The following RYR3 variants were observed in gnomAD, a reference collection of about 807,000 sequenced individuals.
The protein encoded by RYR3 is ryanodine receptor 3, also known as brain ryanodine receptor-calcium release channel.
In RYR3, 207 loss-of-function variants were observed where a neutral mutation model predicts 584.3. The ratio of observed to expected loss-of-function variants is 0.35; its 90% confidence interval spans 0.32 to 0.40. RYR3 has a LOEUF of 0.40. Ranked by LOEUF, RYR3 falls within the 10% of genes least tolerant of loss-of-function variation. The pLI, the probability that RYR3 is intolerant of heterozygous loss-of-function variation, is 1.00. For missense variants in RYR3, 5,616 were observed against 6,089.2 expected (o/e 0.92, Z 2.59); for synonymous variants, 2,416 against 2,248.5 (o/e 1.07, Z -2.11).
intron 1 of RYR3, among the ~76,000 whole-genome samples, chr15:33,380,241 C>T (rs918827355): frequency 5.3e-5 from 8 of 152,090 alleles, no homozygotes; most frequent in South Asian, 2.1e-4. Flanking sequence ...GAACTCTGTC[C>T]GATTTCTAAA....
chr15:33,661,415 G>A (rs999458629), intron 34 of RYR3, among the ~76,000 whole-genome samples: 2 of 152,310 alleles, frequency 1.3e-5, no homozygotes, highest in Middle Eastern at 6.8e-3. Flanking sequence ...TTTGTTTTCA[G>A]GTCGTTGGAG....
intron 5 of RYR3, 55 bp downstream of exon 5, chr15:33,533,444 C>A: frequency 7.8e-7 from 1 of 1,276,116 alleles, no homozygotes; most frequent in Non-Finnish European, 1.1e-6. Flanking sequence ...GGCTAAGGGG[C>A]TTTTGAGAAG....
chr15:33,480,014 G>A (rs546243051), intron 2 of RYR3, among the ~76,000 whole-genome samples: 14 of 152,256 alleles, frequency 9.2e-5, no homozygotes, highest in Admixed American at 3.9e-4. Context: ...GGGATCTAAG[G>A]CAGATTATTA....
At chr15:33,770,670 G>A (rs1379425164) in intron 62 of RYR3, among the ~76,000 whole-genome samples, 1 of 152,066 alleles carries the variant, frequency 6.6e-6, no homozygotes, top group Non-Finnish European at 1.5e-5. Context: ...GGATTGCTGA[G>A]CATGGGAGGC....
At chr15:33,568,176 T>C (rs1041343814) in intron 12 of RYR3, among the ~76,000 whole-genome samples, 1 of 151,786 alleles carries the variant, frequency 6.6e-6, no homozygotes, top group Non-Finnish European at 1.5e-5. Context: ...AAAGGGAGAG[T>C]GACTGCTACT....
chr15:33,626,280 A>G (rs1202185914), intron 20 of RYR3, among the ~76,000 whole-genome samples: 1 of 152,232 alleles, frequency 6.6e-6, no homozygotes, highest in Admixed American at 6.5e-5. Flanking sequence ...GTGGCCTCAG[A>G]TGGAGATAGA....
At chr15:33,614,058 G>A (rs1250147318) in intron 19 of RYR3, among the ~76,000 whole-genome samples, 1 of 152,098 alleles carries the variant, frequency 6.6e-6, no homozygotes, top group Non-Finnish European at 1.5e-5. Context: ...AAACAGTTCA[G>A]AATTCCTTAT....
In RYR3 at chr15:33,614,141, C is replaced by T. The variant is rs114139434; in HGVS notation, c.2357+766C>T. 5.0e-3 allele frequency among the ~76,000 whole-genome samples: 760 copies of T among 152,220 alleles called. 5 individuals are homozygous for T. The highest frequency in any genetic ancestry group is 0.017 in the African/African-American group (718 of 41,514). On this transcript the variant is annotated intron_variant, in intron 19 of 103. Coordinates refer to ENST00000634891, the MANE Select transcript of RYR3 (RefSeq NM_001036.6). ...TAACTCATTTTGTAATAAAATCTAACCTGAACTCATTTTGTGACAAAACTG... is the reference window on the plus strand; with the variant it reads ...TAACTCATTTTGTAATAAAATCTAATCTGAACTCATTTTGTGACAAAACTG...
chr15:33,698,986 G>A lies in RYR3; in HGVS notation c.6250-718G>A, dbSNP rs565712811. 3.3e-5 allele frequency among the ~76,000 whole-genome samples: 5 copies of A among 152,248 alleles called. No homozygotes were observed. In the East Asian group the frequency reaches 9.7e-4, roughly 29 times the overall value. On this transcript the variant is annotated intron_variant, in intron 40 of 103. Coordinates refer to ENST00000634891, the MANE Select transcript of RYR3 (RefSeq NM_001036.6). Reference sequence around the variant, plus strand: ...GCTGGTTACTTTGTTAAGTAGAAAAGCCAAGTACAATCAACAGTAATGTAA... The same window carrying A: ...GCTGGTTACTTTGTTAAGTAGAAAAACCAAGTACAATCAACAGTAATGTAA...
At chr15:33,656,435 C>A (rs762843813) in intron 32 of RYR3, among the ~76,000 whole-genome samples, 4 of 152,162 alleles carry the variant, frequency 2.6e-5, no homozygotes, top group Admixed American at 2.6e-4. Context: ...GAATGCTCAC[C>A]GAGTATGTGT....
At chr15:33,700,024 A>G (rs1457195770) in intron 41 of RYR3, among the ~76,000 whole-genome samples, 191 bp downstream of exon 41, 1 of 152,210 alleles carries the variant, frequency 6.6e-6, no homozygotes, top group Non-Finnish European at 1.5e-5. Context: ...AGAAGTAGAG[A>G]TGTTGCTACC....
At chr15:33,575,257 A>T (rs374882476) in intron 12 of RYR3, among the ~76,000 whole-genome samples, 2 of 152,214 alleles carry the variant, frequency 1.3e-5, no homozygotes, top group East Asian at 3.8e-4. Context: ...CCTCAGTATC[A>T]GTTCTGGATC....
chr15:33,454,091 C>T (rs1428863449), intron 1 of RYR3, among the ~76,000 whole-genome samples: 3 of 152,188 alleles, frequency 2.0e-5, no homozygotes, highest in Non-Finnish European at 2.9e-5. Context: ...TGGTCTGTTC[C>T]TTCAGTGATT....
intron 1 of RYR3, among the ~76,000 whole-genome samples, chr15:33,415,432 A>G (rs189606475): frequency 6.6e-6 from 1 of 152,258 alleles, no homozygotes; most frequent in Non-Finnish European, 1.5e-5. Flanking sequence ...CCTGAATTAC[A>G]AAGGTGAATA....
Position 33,844,909 on chromosome 15 carries a change from A to G in RYR3, c.13344A>G (p.Leu4448=), listed in dbSNP as rs367892397. ...LEEETEDVAN[L]WNSFNDEEEE... ...AAGAGACAGAGGATGTTGCAAACCT[A>G]TGGAATTCCTTTAATGACGAGGAAG... The change falls in exon 93 of 104, where the codon CTA becomes CTG. Residue 4448 remains leucine, a synonymous_variant. Coordinates refer to ENST00000634891, the MANE Select transcript of RYR3 (RefSeq NM_001036.6). The G allele has an allele frequency of 6.2e-6, 10 of 1,613,914 alleles. No homozygotes were observed. The highest frequency in any genetic ancestry group is 5.0e-5 in the Admixed American group (3 of 60,004).
chr15:33,570,287 C>T (rs1031336772), intron 12 of RYR3, among the ~76,000 whole-genome samples: 5 of 151,930 alleles, frequency 3.3e-5, no homozygotes, highest in African/African-American at 1.2e-4. Context: ...AATATTTTTG[C>T]GTGTGGCCAT....
rs114480978 is a variant in RYR3 at position 33,383,308 on chromosome 15, C to T, written c.51+72212C>T. On this transcript the variant is annotated intron_variant, in intron 1 of 103. Transcript: ENST00000634891. ...GTGGCAACTGGCTATCTAGTGTTGC[C>T]GTCATGAGAGAGGAAAAAATAGAAA... Among the ~76,000 whole-genome samples the T allele has an allele frequency of 7.6e-3, 1,088 of 142,572 alleles. 16 individuals carry two copies. The highest frequency in any genetic ancestry group is 0.026 in the African/African-American group (997 of 37,950). The allele number at this position is 142,572 out of a possible 152,430, so 93.5% of individuals were successfully genotyped here.
At chr15:33,658,127 AGT>A (rs1255921759) in intron 32 of RYR3, among the ~76,000 whole-genome samples, 1 of 152,246 alleles carries the variant, frequency 6.6e-6, no homozygotes, top group Non-Finnish European at 1.5e-5. Context: ...GTCTGGCCAC[AGT>A]GTAGCTGGGT....
At chr15:33,685,348 A>G (rs929735164) in intron 38 of RYR3, among the ~76,000 whole-genome samples, 1 of 152,226 alleles carries the variant, frequency 6.6e-6, no homozygotes, top group Non-Finnish European at 1.5e-5. Context: ...AGAGACAAAG[A>G]AGGCCAATAC....
Sources: allele counts gnomAD v4.1 joint callset (sites outside exome capture counted in the v4.1 genomes callset), GRCh38; gene constraint gnomAD v4.1.1; transcripts MANE v1.5; gene names NCBI Gene and HGNC (gene_info 2026-07-23, HGNC 2026-07-21).